The following CHRM3 variants were observed in gnomAD, a reference collection of about 807,000 sequenced individuals.
The protein encoded by CHRM3 is cholinergic receptor muscarinic 3, also known as muscarinic acetylcholine receptor M3.
A neutral mutation model predicts 41.8 loss-of-function variants in CHRM3; 11 were observed. The observed-to-expected ratio is 0.26, with a 90% CI of 0.17 to 0.44. The LOEUF is 0.44. Among genes scored for constraint, CHRM3 ranks in the 20% least tolerant of loss-of-function variants. The probability of loss-of-function intolerance (pLI) is 1.00; values close to 1 mark genes in which losing one functional copy is unlikely to be tolerated. For missense variants in CHRM3, 571 were observed against 745.4 expected (o/e 0.77, Z 2.72); for synonymous variants, 297 against 301.4 (o/e 0.99, Z 0.15).
At chr1:239,498,849 G>A (rs755654896) in intron 2 of CHRM3, among the ~76,000 whole-genome samples, 4 of 151,866 alleles carry the variant, frequency 2.6e-5, no homozygotes, top group East Asian at 3.9e-4. Flanking sequence ...GTTACTATGC[G>A]GTTATACATC....
chr1:239,775,051 C>CAA (rs1434646912), intron 5 of CHRM3, among the ~76,000 whole-genome samples: 1 of 152,112 alleles, frequency 6.6e-6, no homozygotes, highest in Non-Finnish European at 1.5e-5. Flanking sequence ...TCTAGAGACT[C>CAA]TACTGAATTA....
chr1:239,493,720 T>A (rs1667701673), intron 2 of CHRM3, among the ~76,000 whole-genome samples: 1 of 152,196 alleles, frequency 6.6e-6, no homozygotes, highest in Non-Finnish European at 1.5e-5. Flanking sequence ...ACCCTAGGCA[T>A]TACTGATGCT....
At chr1:239,881,452 G>A (rs1677629498) in intron 6 of CHRM3, among the ~76,000 whole-genome samples, 2 of 151,892 alleles carry the variant, frequency 1.3e-5, no homozygotes, top group African/African-American at 2.4e-5. Context: ...ACAAAATGGC[G>A]AGTTGATTGG....
intron 2 of CHRM3, 24 bp downstream of exon 2, chr1:239,492,831 A>T (rs1411820246): frequency 6.6e-6 from 1 of 152,202 alleles, no homozygotes; most frequent in Non-Finnish European, 1.5e-5. Flanking sequence ...ATCTCCGTCT[A>T]CCCATTCTCC....
At chr1:239,597,876 T>TTTA (rs56331486) in intron 3 of CHRM3, among the ~76,000 whole-genome samples, 1 of 149,754 alleles carries the variant, frequency 6.7e-6, no homozygotes, top group Non-Finnish European at 1.5e-5. Context: ...TTTTTTTTTT[T>TTTA]AGGGGAAAGG....
intron 5 of CHRM3, among the ~76,000 whole-genome samples, chr1:239,806,442 A>ACACACACACC (rs767084160): frequency 4.7e-5 from 7 of 149,018 alleles, no homozygotes; most frequent in Middle Eastern, 3.4e-3. Context: ...ACACACACAC[A>ACACACACACC]CCCCTGTGGA....
At chr1:239,613,672 G>A (rs1667310192) in intron 3 of CHRM3, among the ~76,000 whole-genome samples, 2 of 152,206 alleles carry the variant, frequency 1.3e-5, no homozygotes, top group African/African-American at 2.4e-5. Context: ...ATCTGTGTAT[G>A]TGTACCTGTC....
intron 5 of CHRM3, among the ~76,000 whole-genome samples, chr1:239,729,840 C>T (rs2148411580): frequency 6.6e-6 from 1 of 151,972 alleles, no homozygotes; most frequent in South Asian, 2.1e-4. Flanking sequence ...TTTTAGATTC[C>T]ACCTTGCATC....
chr1:239,527,623 T>TCTAA (rs5782084), intron 2 of CHRM3, among the ~76,000 whole-genome samples: 70,066 of 151,804 alleles, frequency 0.46, 16,933 homozygotes, highest in Middle Eastern at 0.62. Context: ...TATGTGAAGC[T>TCTAA]CTGAGCCCCC....
At chr1:239,614,408 C>A (rs1667409714) in intron 3 of CHRM3, among the ~76,000 whole-genome samples, 1 of 151,978 alleles carries the variant, frequency 6.6e-6, no homozygotes, top group Admixed American at 6.6e-5. Flanking sequence ...CAAATCAGTC[C>A]CTTAGAACCA....
chr1:239,607,497 G>A (rs559935956), intron 3 of CHRM3, among the ~76,000 whole-genome samples: 29 of 152,160 alleles, frequency 1.9e-4, no homozygotes, highest in Non-Finnish European at 4.0e-4. Flanking sequence ...GTGCTTACGA[G>A]ACTGAAATTA....
chr1:239,562,703 C>A (rs1660983698), intron 3 of CHRM3, among the ~76,000 whole-genome samples: 1 of 151,988 alleles, frequency 6.6e-6, no homozygotes, highest in South Asian at 2.1e-4. Context: ...GCCTTGTCAA[C>A]ATAGTGAAAC....
intron 3 of CHRM3, among the ~76,000 whole-genome samples, chr1:239,568,591 G>A (rs975642598): frequency 1.3e-5 from 2 of 152,044 alleles, no homozygotes; most frequent in Middle Eastern, 3.2e-3. Context: ...GATTCCCTCT[G>A]CTTCACCCTA....
intron 4 of CHRM3, among the ~76,000 whole-genome samples, chr1:239,649,441 A>C (rs1024043911): frequency 2.0e-5 from 3 of 151,936 alleles, no homozygotes; most frequent in African/African-American, 7.3e-5. Flanking sequence ...GCAATAGAAA[A>C]GACGTAAGTC....
chr1:239,429,869 C>T (rs1313327464), intron 1 of CHRM3, among the ~76,000 whole-genome samples: 2 of 147,066 alleles, frequency 1.4e-5, no homozygotes, highest in Admixed American at 6.8e-5. Context: ...GTTCTGCCGT[C>T]TTTATGCTTG....
In CHRM3 at chr1:239,911,922, G is replaced by C. The variant is rs1170521959; in HGVS notation, c.*2698G>C. 6.0e-6 allele frequency: 1 copy of C among 166,954 alleles called. No homozygotes were observed. Among genetic ancestry groups the C allele is most frequent in the Non-Finnish European group, 1.5e-5 (1 of 68,110 alleles). 10.3% of individuals were successfully genotyped at this position (166,954 alleles called of 1,614,324 possible). On this transcript the variant is annotated 3_prime_UTR_variant, in exon 7 of 7. Transcript: ENST00000676153. ...AAGATGTAGTGAGTATTTATAATTG[G>C]ACCTTAGTTACACGTGCATTTCTCA...
chr1:239,880,236 G>A (rs554658457), intron 6 of CHRM3, among the ~76,000 whole-genome samples: 3 of 152,310 alleles, frequency 2.0e-5, no homozygotes, highest in Non-Finnish European at 4.4e-5. Context: ...TTTACAAAAT[G>A]GAATTATTAG....
intron 3 of CHRM3, among the ~76,000 whole-genome samples, chr1:239,601,412 A>G (rs561389901): frequency 5.9e-5 from 9 of 152,332 alleles, no homozygotes; most frequent in Admixed American, 1.3e-4. Context: ...AAATGTCAAT[A>G]TGCATGAAAA....
chr1:239,680,038 C>T (rs1003371862), intron 5 of CHRM3, among the ~76,000 whole-genome samples: 6 of 152,068 alleles, frequency 3.9e-5, no homozygotes, highest in African/African-American at 1.4e-4. Context: ...TTCCATTGTG[C>T]AGCCACTGCC....
Sources: allele counts gnomAD v4.1 joint callset (sites outside exome capture counted in the v4.1 genomes callset), GRCh38; gene constraint gnomAD v4.1.1; transcripts MANE v1.5; gene names NCBI Gene and HGNC (gene_info 2026-07-23, HGNC 2026-07-21).